AUTS2: variants seen among roughly 807,000 people sequenced by gnomAD.
AUTS2 encodes the protein autism susceptibility gene 2 protein.
A neutral mutation model predicts 112.4 loss-of-function variants in AUTS2; 17 were observed. That is an observed-to-expected ratio of 0.15 (90% confidence interval 0.10 to 0.23). The LOEUF (loss-of-function observed/expected upper bound fraction) is 0.23, where lower values mean the gene tolerates loss of function less well. Ranked by LOEUF, AUTS2 falls within the 10% of genes least tolerant of loss-of-function variation. The probability of loss-of-function intolerance (pLI) is 1.00; values close to 1 mark genes in which losing one functional copy is unlikely to be tolerated. For synonymous variants in AUTS2, 751 were observed against 702.7 expected (o/e 1.07, Z -1.09); for missense variants, 1,510 against 1,701.6 (o/e 0.89, Z 1.98).
Position 70,152,801 on chromosome 7 carries a change from G to T in AUTS2, c.660+18230G>T, listed in dbSNP as rs114657255. Among the ~76,000 whole-genome samples the T allele has an allele frequency of 2.9e-3, 440 of 151,998 alleles. 4 individuals are homozygous for T. The highest frequency in any genetic ancestry group is 0.01 in the African/African-American group (426 of 41,476). ...TAAAAGCAAATTAAAACCATAATAG[G>T]TATATAGTAATATATTATTACACAC... On this transcript the variant is annotated intron_variant, in intron 4 of 18. Transcript: ENST00000342771.
At chr7:69,903,212 CAAGTCACA>C (rs1795034310) in intron 2 of AUTS2, among the ~76,000 whole-genome samples, 1 of 151,990 alleles carries the variant, frequency 6.6e-6, no homozygotes, top group African/African-American at 2.4e-5. Flanking sequence ...ATTGGGAGAC[CAAGTCACA>C]ATGAAACCAC....
chr7:69,852,660 C>T (rs558156890), intron 1 of AUTS2, among the ~76,000 whole-genome samples: 1 of 152,194 alleles, frequency 6.6e-6, no homozygotes, highest in South Asian at 2.1e-4. Flanking sequence ...ACCATGTTGG[C>T]CAGGCTGGTC....
chr7:70,518,409 G>A (rs757904765), intron 5 of AUTS2, among the ~76,000 whole-genome samples: 12 of 152,104 alleles, frequency 7.9e-5, no homozygotes, highest in Non-Finnish European at 1.3e-4. Flanking sequence ...TGGGCTGGGT[G>A]CGGTGGCTCA....
intron 1 of AUTS2, among the ~76,000 whole-genome samples, chr7:69,861,509 G>A (rs1792983014): frequency 1.3e-5 from 2 of 152,130 alleles, no homozygotes; most frequent in African/African-American, 4.8e-5. Context: ...TTTCCATAAT[G>A]TCAGCCGATA....
At chr7:69,804,152 T>C (rs770931006) in intron 1 of AUTS2, among the ~76,000 whole-genome samples, 10 of 152,182 alleles carry the variant, frequency 6.6e-5, no homozygotes, top group Non-Finnish European at 1.3e-4. Flanking sequence ...AATAAGTTAA[T>C]ATTGGCTGAT....
At chr7:70,747,977 A>G (rs1788571150) in intron 6 of AUTS2, among the ~76,000 whole-genome samples, 1 of 127,004 alleles carries the variant, frequency 7.9e-6, no homozygotes, top group East Asian at 2.5e-4. Context: ...ACCTGCCACC[A>G]CGCCCAGCCA....
At chr7:70,350,364 A>G (rs1791692178) in intron 4 of AUTS2, among the ~76,000 whole-genome samples, 1 of 152,222 alleles carries the variant, frequency 6.6e-6, no homozygotes, top group Non-Finnish European at 1.5e-5. Context: ...CATGCTGCTA[A>G]TAAACAAATA....
Position 70,766,062 on chromosome 7 carries a change from T to C in AUTS2, c.1469-52T>C. The C allele has an allele frequency of 5.7e-6, 9 of 1,585,406 alleles. No individual in the cohort carries two copies. Among genetic ancestry groups the C allele is most frequent in the Non-Finnish European group, 7.7e-6 (9 of 1,162,374 alleles). ...ACCCCTCCACAGGAAGGCAGTCCGATGTCCTTTTCTGAAGGAAAAGGCGTC... is the reference window on the plus strand; with the variant it reads ...ACCCCTCCACAGGAAGGCAGTCCGACGTCCTTTTCTGAAGGAAAAGGCGTC... On this transcript the variant is annotated intron_variant, in intron 8 of 18. Coordinates refer to ENST00000342771, the MANE Select transcript of AUTS2 (RefSeq NM_015570.4). This position sits in a 1 kb window ranked among gnomAD's most constrained non-coding sequence, Gnocchi z 4.8.
At chr7:70,179,751 C>G (rs877188) in intron 4 of AUTS2, among the ~76,000 whole-genome samples, 32,905 of 152,138 alleles carry the variant, frequency 0.22, 3,552 homozygotes, top group Middle Eastern at 0.33. Flanking sequence ...GAGGCCCACC[C>G]TTACTAGCTT....
At chr7:70,742,324 C>T (rs894275411) in intron 6 of AUTS2, among the ~76,000 whole-genome samples, 2 of 152,124 alleles carry the variant, frequency 1.3e-5, no homozygotes, top group African/African-American at 4.8e-5. Context: ...AAGTCTGGTT[C>T]CTAATTACAT....
chr7:70,039,350 T>G, intron 2 of AUTS2, among the ~76,000 whole-genome samples: 1 of 151,946 alleles, frequency 6.6e-6, no homozygotes, highest in South Asian at 2.1e-4. Flanking sequence ...AGTTTGGGTT[T>G]TTGTTGTTGT....
At chr7:70,435,921 C>A in intron 5 of AUTS2, 140 bp downstream of exon 5, 1 of 831,958 alleles carries the variant, frequency 1.2e-6, no homozygotes, top group East Asian at 2.5e-5. Flanking sequence ...GCATTATTCA[C>A]ACAGTGACAT....
chr7:70,189,441 A>T (rs946685359), intron 4 of AUTS2, among the ~76,000 whole-genome samples: 1 of 152,206 alleles, frequency 6.6e-6, no homozygotes, highest in African/African-American at 2.4e-5. Context: ...ATTCCATGAC[A>T]ACTTGTTACT....
intron 1 of AUTS2, among the ~76,000 whole-genome samples, chr7:69,737,328 A>G (rs1356550943): frequency 1.3e-5 from 2 of 152,164 alleles, no homozygotes; most frequent in African/African-American, 4.8e-5. Flanking sequence ...TGCTTGTAAT[A>G]TGTTTGTTTA....
At chr7:70,506,338 C>T (rs897995269) in intron 5 of AUTS2, among the ~76,000 whole-genome samples, 3 of 152,162 alleles carry the variant, frequency 2.0e-5, no homozygotes, top group Admixed American at 6.5e-5. Context: ...CTTATGGCAG[C>T]GCTTCTGGAG....
At chr7:69,747,784 G>GGTGT (rs10695531) in intron 1 of AUTS2, among the ~76,000 whole-genome samples, 25,308 of 144,330 alleles carry the variant, frequency 0.18, 2,859 homozygotes, top group East Asian at 0.57. Flanking sequence ...GAAGGAGAGG[G>GGTGT]GTGTGTGTGT....
At chr7:70,010,001 A>G (rs2129554092) in intron 2 of AUTS2, among the ~76,000 whole-genome samples, 1 of 152,348 alleles carries the variant, frequency 6.6e-6, no homozygotes, top group Admixed American at 6.5e-5. Context: ...GATAAGTACT[A>G]TTCAAATACA....
At chr7:69,945,602 TTTG>T (rs1291614488) in intron 2 of AUTS2, among the ~76,000 whole-genome samples, 5 of 152,172 alleles carry the variant, frequency 3.3e-5, no homozygotes, top group African/African-American at 9.6e-5. Context: ...GTTACCATTT[TTTG>T]TTGTTGTTGT....
intron 4 of AUTS2, among the ~76,000 whole-genome samples, chr7:70,427,590 G>T (rs1212562094): frequency 6.6e-6 from 1 of 151,700 alleles, no homozygotes; most frequent in African/African-American, 2.4e-5. Flanking sequence ...TGACAAAAAG[G>T]AAAAAAAATA....
Sources: gnomAD v4.1 joint callset for allele counts (sites outside exome capture counted in the v4.1 genomes callset) on GRCh38, gnomAD v4.1.1 for gene constraint, Gnocchi (gnomAD v3.1) non-coding constraint, MANE v1.5 for transcripts, NCBI Gene and HGNC (gene_info 2026-07-23, HGNC 2026-07-21) for gene names.